SOX5: variants seen among roughly 807,000 people sequenced by gnomAD.
SOX5 encodes the protein transcription factor SOX-5.
A neutral mutation model predicts 92.0 loss-of-function variants in SOX5; 9 were observed. The observed-to-expected ratio is 0.10, with a 90% CI of 0.06 to 0.17. The LOEUF (loss-of-function observed/expected upper bound fraction) is 0.17, where lower values mean the gene tolerates loss of function less well. SOX5 is among the 10% of genes least tolerant of loss of function. The probability of loss-of-function intolerance (pLI) is 1.00; values close to 1 mark genes in which losing one functional copy is unlikely to be tolerated. For synonymous variants in SOX5, 344 were observed against 336.3 expected (o/e 1.02, Z -0.25); for missense variants, 642 against 944.5 (o/e 0.68, Z 4.20).
intron 3 of SOX5, among the ~76,000 whole-genome samples, chr12:23,788,988 A>C (rs1316574943): frequency 1.3e-5 from 2 of 151,976 alleles, no homozygotes; most frequent in African/African-American, 4.8e-5. Flanking sequence ...ACCTATTCCT[A>C]AGGTCTGCCA....
chr12:24,183,864 C>T (rs1016014547), intron 4 of SOX5, among the ~76,000 whole-genome samples: 2 of 152,132 alleles, frequency 1.3e-5, no homozygotes, highest in Non-Finnish European at 2.9e-5. Flanking sequence ...GTTTTCTTAT[C>T]TACAAACTGT....
At chr12:24,048,142 T>C (rs947144497) in intron 4 of SOX5, among the ~76,000 whole-genome samples, 1 of 152,222 alleles carries the variant, frequency 6.6e-6, no homozygotes, top group African/African-American at 2.4e-5. Context: ...AGCTTTCTGA[T>C]ACATCATCAC....
intron 1 of SOX5, among the ~76,000 whole-genome samples, chr12:24,422,659 C>T (rs1966112943): frequency 6.6e-6 from 1 of 152,192 alleles, no homozygotes; most frequent in Non-Finnish European, 1.5e-5. Context: ...AAGTTACCTA[C>T]ATATATTGAT....
rs1022084086 is a variant in SOX5, at chr12:23,665,520, A to G, written c.855T>C (p.Pro285=). 6.2e-7 allele frequency: 1 copy of G among 1,613,578 alleles called. No individual in the cohort carries two copies. The highest frequency in any genetic ancestry group is 8.5e-7 in the Non-Finnish European group (1 of 1,179,588). Residue 285 remains proline (P), a synonymous_variant, in exon 7 of 15, where the codon CCT becomes CCC. Transcript: ENST00000451604. ...CAGCTGCAGCCAGTGTCCGTTGATC[A>G]GGAGGGAATACGGGAATCATTAATG... The part of the protein sequence containing the change: ...LPPLMIPVFP[P]DQRTLAAAAQ...
intron 4 of SOX5, among the ~76,000 whole-genome samples, chr12:24,031,861 C>T (rs1435029969): frequency 6.6e-6 from 1 of 151,650 alleles, no homozygotes; most frequent in East Asian, 1.9e-4. Flanking sequence ...GTTCTATGGT[C>T]CCAAATGCAA....
At chr12:24,510,314 G>A (rs992485466) in intron 1 of SOX5, among the ~76,000 whole-genome samples, 6 of 152,286 alleles carry the variant, frequency 3.9e-5, no homozygotes, top group Middle Eastern at 6.8e-3. Flanking sequence ...ATGATAGAGC[G>A]GATAAATACA....
At chr12:24,011,998 T>C (rs759304716) in intron 4 of SOX5, among the ~76,000 whole-genome samples, 26 of 152,208 alleles carry the variant, frequency 1.7e-4, no homozygotes, top group Admixed American at 1.3e-4. Context: ...TTCCCAGGAC[T>C]TCAAATTTTA....
chr12:23,758,455 A>G (rs1334376584), intron 3 of SOX5, among the ~76,000 whole-genome samples: 2 of 151,344 alleles, frequency 1.3e-5, no homozygotes, highest in African/African-American at 2.4e-5. Flanking sequence ...AATAGCTACT[A>G]TTTAGAGGGC....
chr12:24,357,849 A>T (rs1955052767), intron 2 of SOX5, among the ~76,000 whole-genome samples: 1 of 151,186 alleles, frequency 6.6e-6, no homozygotes, highest in Non-Finnish European at 1.5e-5. Context: ...TCAAAAAAAA[A>T]AAAAAGAAAG....
At chr12:23,782,485 C>A (rs924695016) in intron 3 of SOX5, among the ~76,000 whole-genome samples, 5 of 151,974 alleles carry the variant, frequency 3.3e-5, no homozygotes, top group Non-Finnish European at 5.9e-5. Context: ...GGAGAAAGTT[C>A]CAAGTATCTA....
At chr12:23,538,312 G>A (rs1941073569) in intron 13 of SOX5, among the ~76,000 whole-genome samples, 1 of 152,046 alleles carries the variant, frequency 6.6e-6, no homozygotes, top group Admixed American at 6.5e-5. Context: ...GTATTGCATA[G>A]GTATAAATAT....
intron 9 of SOX5, among the ~76,000 whole-genome samples, chr12:23,577,192 T>TA (rs1555172432): frequency 0.097 from 5,558 of 57,356 alleles, 349 homozygotes; most frequent in South Asian, 0.12. Flanking sequence ...TATATATATA[T>TA]TTTTTTTTTT....
intron 2 of SOX5, among the ~76,000 whole-genome samples, chr12:24,290,491 C>A (rs1183217672): frequency 6.6e-6 from 1 of 152,144 alleles, no homozygotes; most frequent in East Asian, 1.9e-4. Flanking sequence ...TATCCTCATT[C>A]CACTAGGGGA....
At chr12:23,714,428 C>T (rs1022910360) in intron 6 of SOX5, among the ~76,000 whole-genome samples, 1 of 151,914 alleles carries the variant, frequency 6.6e-6, no homozygotes, top group South Asian at 2.1e-4. Flanking sequence ...TTAAGACCAG[C>T]GTGGCCAACA....
intron 1 of SOX5, among the ~76,000 whole-genome samples, chr12:24,544,743 C>A (rs890059875): frequency 6.6e-6 from 1 of 152,220 alleles, no homozygotes; most frequent in Non-Finnish European, 1.5e-5. Context: ...CATACTACCT[C>A]ATTTAAATAG....
intron 3 of SOX5, among the ~76,000 whole-genome samples, chr12:23,845,295 C>T (rs886591314): frequency 4.6e-5 from 7 of 152,152 alleles, no homozygotes; most frequent in Non-Finnish European, 1.0e-4. Context: ...AGTTAGTAAG[C>T]ATGTGTAACA....
intron 3 of SOX5, among the ~76,000 whole-genome samples, chr12:23,802,418 G>GT (rs1265503408): frequency 1.3e-5 from 2 of 151,996 alleles, no homozygotes; most frequent in African/African-American, 4.8e-5. Context: ...CCAACTCAAA[G>GT]TTTTATAAGA....
rs368588190 is a variant in SOX5, at chr12:23,792,775, G to C, written c.482-37051C>G. Among the ~76,000 whole-genome samples, 3 of 151,426 alleles carry C rather than the reference G, an allele frequency of 2.0e-5. No individual in the cohort carries two copies. In the South Asian group the frequency reaches 6.3e-4, roughly 32 times the overall value. On this transcript the variant is annotated intron_variant, in intron 3 of 14. Coordinates refer to ENST00000451604, the MANE Select transcript of SOX5 (RefSeq NM_006940.6). The stretch of plus-strand genomic sequence containing the variant: ...TTAAACTGCTTTGACCTCATCATCT[G>C]TTGTGGTATCTGTCTTTCGAGCTGA...
At chr12:24,034,847 A>T (rs1955863804) in intron 4 of SOX5, among the ~76,000 whole-genome samples, 1 of 152,098 alleles carries the variant, frequency 6.6e-6, no homozygotes, top group African/African-American at 2.4e-5. Flanking sequence ...TACTGTATAC[A>T]ATTAGGCTGT....
Sources: gnomAD v4.1 joint callset for allele counts (sites outside exome capture counted in the v4.1 genomes callset) on GRCh38, gnomAD v4.1.1 for gene constraint, MANE v1.5 for transcripts, NCBI Gene and HGNC (gene_info 2026-07-23, HGNC 2026-07-21) for gene names.